The following CTNNA2 variants were observed in gnomAD, a reference collection of about 807,000 sequenced individuals.
CTNNA2 encodes catenin alpha 2.
In CTNNA2, 42 loss-of-function variants were observed where a neutral mutation model predicts 101.0. The ratio of observed to expected loss-of-function variants is 0.42; its 90% CI spans 0.32 to 0.54. The LOEUF is 0.54. Ranked by LOEUF, CTNNA2 falls within the 20% of genes least tolerant of loss-of-function variation. The pLI, the probability that CTNNA2 is intolerant of heterozygous loss-of-function variation, is 0.14. For synonymous variants in CTNNA2, 450 were observed against 456.4 expected (o/e 0.99, Z 0.18); for missense variants, 871 against 1,223.1 (o/e 0.71, Z 4.29).
At chr2:80,537,329 T>C (rs1311212009) in intron 9 of CTNNA2, among the ~76,000 whole-genome samples, 2 of 152,240 alleles carry the variant, frequency 1.3e-5, no homozygotes, top group African/African-American at 2.4e-5. Context: ...CTATAATTGA[T>C]GGACATTTGG....
At chr2:79,428,590 C>G (rs1319294182) in intron 4 of CTNNA2, among the ~76,000 whole-genome samples, 2 of 151,712 alleles carry the variant, frequency 1.3e-5, no homozygotes, top group Non-Finnish European at 2.9e-5. Context: ...GAGACAGAAA[C>G]ATGTAAAAAA....
At chr2:79,818,247 T>A (rs1010776939) in intron 3 of CTNNA2, among the ~76,000 whole-genome samples, 3 of 152,320 alleles carry the variant, frequency 2.0e-5, no homozygotes, top group Middle Eastern at 6.8e-3. Flanking sequence ...CCAAAGATAG[T>A]GCATAAATAT....
chr2:80,177,845 C>T (rs1386660214), intron 7 of CTNNA2, among the ~76,000 whole-genome samples: 1 of 152,140 alleles, frequency 6.6e-6, no homozygotes, highest in Non-Finnish European at 1.5e-5. Context: ...GGCTATAGCC[C>T]ATGAATGAGT....
intron 17 of CTNNA2, among the ~76,000 whole-genome samples, chr2:80,609,254 C>T (rs1698264458): frequency 6.6e-6 from 1 of 151,818 alleles, no homozygotes. Context: ...TTCCTGAAGC[C>T]ATTTTTGGAA....
intron 7 of CTNNA2, among the ~76,000 whole-genome samples, chr2:80,084,618 T>G (rs1468362281): frequency 6.6e-6 from 1 of 152,098 alleles, no homozygotes; most frequent in Non-Finnish European, 1.5e-5. Context: ...AAAGCAAATT[T>G]CTGGAGAAAT....
intron 7 of CTNNA2, among the ~76,000 whole-genome samples, chr2:79,964,784 G>A (rs531668519): frequency 8.7e-4 from 132 of 151,962 alleles, no homozygotes; most frequent in African/African-American, 3.1e-3. Flanking sequence ...CTCCAGCCTC[G>A]TTGCTTCTCT....
chr2:80,383,770 C>G (rs573487290), intron 7 of CTNNA2, among the ~76,000 whole-genome samples: 1 of 148,870 alleles, frequency 6.7e-6, no homozygotes, highest in South Asian at 2.1e-4. Flanking sequence ...CATACAGGCC[C>G]AAGAAAAAAA....
At chr2:79,771,334 G>T (rs922243121) in intron 3 of CTNNA2, among the ~76,000 whole-genome samples, 6 of 152,166 alleles carry the variant, frequency 3.9e-5, no homozygotes, top group Non-Finnish European at 4.4e-5. Context: ...TGGCACCAGG[G>T]ACCAGTTTTG....
At chr2:80,364,381 C>T (rs1324881731) in intron 7 of CTNNA2, among the ~76,000 whole-genome samples, 3 of 151,978 alleles carry the variant, frequency 2.0e-5, no homozygotes, top group African/African-American at 4.8e-5. Flanking sequence ...TCTCTTTTCT[C>T]CTTTCCCTTT....
chr2:79,496,651 G>C (rs1193205587), intron 4 of CTNNA2, among the ~76,000 whole-genome samples: 2 of 150,970 alleles, frequency 1.3e-5, no homozygotes. Context: ...TCCTAATTTT[G>C]AATACTTTTT....
intron 7 of CTNNA2, among the ~76,000 whole-genome samples, chr2:80,250,202 A>AGTGTGTGTGTGTGT (rs1344701609): frequency 5.6e-5 from 8 of 142,188 alleles, no homozygotes; most frequent in African/African-American, 2.3e-4. Flanking sequence ...AGAGAGAGAG[A>AGTGTGTGTGTGTGT]GAGTGTGTGT....
intron 2 of CTNNA2, among the ~76,000 whole-genome samples, chr2:79,241,578 T>C (rs1208436122): frequency 6.6e-6 from 1 of 152,198 alleles, no homozygotes; most frequent in Non-Finnish European, 1.5e-5. Context: ...GGTTGTCATA[T>C]GAAGGGAAGA....
At chr2:80,549,427 C>T (rs146057649) in intron 11 of CTNNA2, among the ~76,000 whole-genome samples, 6 of 152,142 alleles carry the variant, frequency 3.9e-5, no homozygotes, top group African/African-American at 1.4e-4. Flanking sequence ...TTATGGTTTA[C>T]AACAGTCAAA....
At chr2:79,654,359 G>T (rs1325092800) in intron 2 of CTNNA2, among the ~76,000 whole-genome samples, 2 of 152,214 alleles carry the variant, frequency 1.3e-5, no homozygotes, top group African/African-American at 4.8e-5. Context: ...GGGGTGAAAA[G>T]TTCTAAGACC....
At chr2:80,345,211 C>T (rs774092841) in intron 7 of CTNNA2, among the ~76,000 whole-genome samples, 1 of 152,174 alleles carries the variant, frequency 6.6e-6, no homozygotes, top group Non-Finnish European at 1.5e-5. Flanking sequence ...GTGGCCCCCT[C>T]CCCCTTATCT....
intron 9 of CTNNA2, among the ~76,000 whole-genome samples, chr2:80,508,497 C>T (rs899684857): frequency 2.0e-5 from 3 of 151,934 alleles, no homozygotes; most frequent in Admixed American, 6.6e-5. Flanking sequence ...ATATGACAAA[C>T]AAGTGTATCT....
chr2:79,381,000 G>A (rs984788916), intron 4 of CTNNA2, among the ~76,000 whole-genome samples: 1 of 152,158 alleles, frequency 6.6e-6, no homozygotes, highest in African/African-American at 2.4e-5. Flanking sequence ...AAACAGGTAA[G>A]CACTGAAGTT....
chr2:79,689,674 T>C (rs550941927), intron 2 of CTNNA2, among the ~76,000 whole-genome samples: 1 of 152,128 alleles, frequency 6.6e-6, no homozygotes, highest in South Asian at 2.1e-4. Context: ...GAATTATATC[T>C]ACAGGGGTAT....
intron 4 of CTNNA2, among the ~76,000 whole-genome samples, chr2:79,493,333 A>G (rs958008995): frequency 6.6e-6 from 1 of 152,170 alleles, no homozygotes; most frequent in African/African-American, 2.4e-5. Context: ...ATAATCTGGT[A>G]TATAAAAATA....
Sources: gnomAD v4.1 joint callset for allele counts (sites outside exome capture counted in the v4.1 genomes callset) on GRCh38, gnomAD v4.1.1 for gene constraint, MANE v1.5 for transcripts, NCBI Gene and HGNC (gene_info 2026-07-23, HGNC 2026-07-21) for gene names.